NRG3: variants seen among roughly 807,000 people sequenced by gnomAD.
NRG3 encodes pro-neuregulin-3, membrane-bound isoform.
NRG3 carries 31 observed loss-of-function variants against 66.9 expected under a neutral mutation model. That is an observed-to-expected ratio of 0.46 (90% confidence interval 0.35 to 0.63). The LOEUF (loss-of-function observed/expected upper bound fraction) is 0.63. Ranked by LOEUF, NRG3 falls within the 20% of genes least tolerant of loss-of-function variation. The pLI, the probability that NRG3 is intolerant of heterozygous loss-of-function variation, is 0.00. For missense variants in NRG3, 910 were observed against 878.9 expected, an observed-to-expected ratio of 1.04 and a Z score of -0.45; for synonymous variants, 393 against 359.4, an observed-to-expected ratio of 1.09 and a Z score of -1.06.
intron 1 of NRG3, among the ~76,000 whole-genome samples, chr10:82,011,546 C>G (rs1292804607): frequency 6.6e-6 from 1 of 152,180 alleles, no homozygotes; most frequent in Non-Finnish European, 1.5e-5. Flanking sequence ...GTCCAACAGT[C>G]CAAAGTCTCA....
chr10:82,829,749 G>T (rs1160322759), intron 3 of NRG3, among the ~76,000 whole-genome samples: 6 of 152,154 alleles, frequency 3.9e-5, no homozygotes, highest in African/African-American at 9.7e-5. Context: ...GTTTGGTTGT[G>T]TGATTACAAC....
rs73311306 is a variant in NRG3 at position 82,901,749 on chromosome 10, C to A, written c.1054+36312C>A. Among the ~76,000 whole-genome samples the A allele has an allele frequency of 3.3e-5, 5 of 152,150 alleles. No homozygotes were observed. The South Asian group carries it at 1.0e-3, about 31-fold the overall frequency. On this transcript the variant is annotated intron_variant, in intron 4 of 8. Coordinates refer to ENST00000372141, the MANE Select transcript of NRG3 (RefSeq NM_001010848.4). ...GATGGCTAAAATTATATGTGAAAGT[C>A]GTTTTATAATTGTGAAGAACTTGGT... is the stretch of plus-strand genomic sequence containing the variant.
At chr10:82,365,825 T>C (rs2135685624) in intron 2 of NRG3, among the ~76,000 whole-genome samples, 1 of 152,336 alleles carries the variant, frequency 6.6e-6, no homozygotes, top group Non-Finnish European at 1.5e-5. Context: ...GATTACTTTA[T>C]TTTAATGTTT....
chr10:82,481,763 T>C (rs1842289321), intron 2 of NRG3, among the ~76,000 whole-genome samples: 1 of 152,150 alleles, frequency 6.6e-6, no homozygotes, highest in Admixed American at 6.5e-5. Flanking sequence ...GGCAGGCGGA[T>C]CACTTGAGGT....
intron 4 of NRG3, among the ~76,000 whole-genome samples, chr10:82,911,574 C>A (rs1845324755): frequency 6.6e-6 from 1 of 151,598 alleles, no homozygotes; most frequent in Admixed American, 6.6e-5. Context: ...TTGATGAGAT[C>A]AGTAGCAATG....
intron 1 of NRG3, among the ~76,000 whole-genome samples, chr10:82,015,757 A>G (rs972840355): frequency 2.0e-5 from 3 of 151,810 alleles, no homozygotes; most frequent in Non-Finnish European, 2.9e-5. Flanking sequence ...TGTCTTCACT[A>G]TTTACTAGTT....
At chr10:82,118,697 G>A (rs1247171134) in intron 1 of NRG3, among the ~76,000 whole-genome samples, 1 of 152,054 alleles carries the variant, frequency 6.6e-6, no homozygotes, top group Non-Finnish European at 1.5e-5. Context: ...GGGGGATAAT[G>A]TGTATTGTTA....
At position 81,972,745 on chromosome 10, in the gene NRG3, A is replaced by G. The variant is rs1019122037; in HGVS notation, c.823+96582A>G. ...AACTCTTAATGAAGAGAGGGAGGACAGAAAAAAATGAATCAATAACGGTTG... is the reference window on the plus strand; with the variant it reads ...AACTCTTAATGAAGAGAGGGAGGACGGAAAAAAATGAATCAATAACGGTTG... On this transcript the variant is annotated intron_variant, in intron 1 of 8. Coordinates refer to ENST00000372141, the MANE Select transcript of NRG3 (RefSeq NM_001010848.4). Among the ~76,000 whole-genome samples, 6 of 152,264 alleles carry G rather than the reference A, an allele frequency of 3.9e-5. No individual in the cohort carries two copies. The East Asian group carries it at 1.2e-3, about 29-fold the overall frequency.
chr10:82,863,861 T>C (rs1269189981), intron 3 of NRG3, among the ~76,000 whole-genome samples: 1 of 152,188 alleles, frequency 6.6e-6, no homozygotes, highest in Non-Finnish European at 1.5e-5. Context: ...CTCATTCATT[T>C]CTGAGCTACC....
At chr10:82,921,072 A>G (rs2132064176) in intron 4 of NRG3, among the ~76,000 whole-genome samples, 1 of 152,280 alleles carries the variant, frequency 6.6e-6, no homozygotes, top group Middle Eastern at 3.4e-3. Context: ...AAAAAAAAGT[A>G]ACATTACAAT....
At chr10:82,921,802 A>C (rs573358076) in intron 4 of NRG3, among the ~76,000 whole-genome samples, 22 of 152,090 alleles carry the variant, frequency 1.4e-4, no homozygotes, top group Non-Finnish European at 3.1e-4. Flanking sequence ...TTGCATCCCA[A>C]CATAATTATT....
intron 1 of NRG3, among the ~76,000 whole-genome samples, chr10:82,227,408 T>A (rs12569726): frequency 6.6e-6 from 1 of 152,030 alleles, no homozygotes; most frequent in Non-Finnish European, 1.5e-5. Context: ...TTATTATTAT[T>A]TTATTGTATC....
intron 2 of NRG3, among the ~76,000 whole-genome samples, chr10:82,564,770 AT>A (rs1452773756): frequency 2.0e-5 from 3 of 152,216 alleles, no homozygotes; most frequent in Middle Eastern, 3.4e-3. Flanking sequence ...AGAAAAAAAA[AT>A]ATGGCAATTA....
intron 2 of NRG3, among the ~76,000 whole-genome samples, chr10:82,587,026 C>G (rs2046717064): frequency 6.6e-6 from 1 of 152,058 alleles, no homozygotes; most frequent in Admixed American, 6.6e-5. Context: ...CCAGGAACCC[C>G]TCAGGTGTCC....
chr10:82,062,274 GA>G (rs1378580743), intron 1 of NRG3, among the ~76,000 whole-genome samples: 1 of 152,164 alleles, frequency 6.6e-6, no homozygotes, highest in African/African-American at 2.4e-5. Flanking sequence ...GAGGGGAGCA[GA>G]TTGGATTTCT....
In NRG3 at chr10:82,242,879, C is replaced by A. The variant is rs570173014; in HGVS notation, c.824-115860C>A. Among the ~76,000 whole-genome samples the A allele has an allele frequency of 3.3e-5, 5 of 152,314 alleles. No individual in the cohort carries two copies. The East Asian group carries it at 9.6e-4, about 29-fold the overall frequency. ...GGAATTCTACTGGCAAATGCACAGT[C>A]TGTTTCTCACTGATACACCTTGGCT... On this transcript the variant is annotated intron_variant, in intron 1 of 8. Transcript: ENST00000372141.
At chr10:82,073,635 A>G (rs2064929121) in intron 1 of NRG3, among the ~76,000 whole-genome samples, 1 of 152,038 alleles carries the variant, frequency 6.6e-6, no homozygotes, top group Non-Finnish European at 1.5e-5. Context: ...GGTACGATTT[A>G]TATTATATAA....
At chr10:82,915,976 C>G (rs1470922709) in intron 4 of NRG3, among the ~76,000 whole-genome samples, 1 of 152,132 alleles carries the variant, frequency 6.6e-6, no homozygotes, top group Non-Finnish European at 1.5e-5. Flanking sequence ...AAGGCTCTTT[C>G]TAGTGCTAGA....
At chr10:82,667,622 G>T (rs1413059026) in intron 2 of NRG3, among the ~76,000 whole-genome samples, 1 of 152,090 alleles carries the variant, frequency 6.6e-6, no homozygotes, top group African/African-American at 2.4e-5. Context: ...CTTGAGAGGA[G>T]GTGAAAGTAT....
Sources: allele counts gnomAD v4.1 joint callset (sites outside exome capture counted in the v4.1 genomes callset), GRCh38; gene constraint gnomAD v4.1.1; transcripts MANE v1.5; gene names NCBI Gene and HGNC (gene_info 2026-07-23, HGNC 2026-07-21).